Variants in CYP4X1 observed in about 807,000 individuals in gnomAD.
CYP4X1 encodes cytochrome P450 family 4 subfamily X member 1.
Under a neutral mutation model 57.9 loss-of-function variants are expected in CYP4X1, and 44 were observed. The ratio of observed to expected loss-of-function variants is 0.76; its 90% CI spans 0.60 to 0.98. CYP4X1 has a LOEUF of 0.98. Ranked by LOEUF, CYP4X1 falls within the 50% of genes least tolerant of loss-of-function variation. CYP4X1 has a pLI of 0.00. For synonymous variants in CYP4X1, 227 were observed against 228.6 expected, an observed-to-expected ratio of 0.99 and a Z score of 0.06; for missense variants, 532 against 623.9, an observed-to-expected ratio of 0.85 and a Z score of 1.57.
the CYP4X1 span, among the ~76,000 whole-genome samples, chr1:46,962,606 G>T: frequency 1.3e-5 from 2 of 152,198 alleles, no homozygotes; most frequent in East Asian, 3.8e-4. Flanking sequence ...TTGCACTGTG[G>T]TCTGAGAGAT....
At chr1:47,044,694 C>A (rs1644282051) in intron 8 of CYP4X1, among the ~76,000 whole-genome samples, 1 of 152,136 alleles carries the variant, frequency 6.6e-6, no homozygotes, top group Non-Finnish European at 1.5e-5. Context: ...GTGGTGAACA[C>A]CCTCAACTTT....
the CYP4X1 span, among the ~76,000 whole-genome samples, chr1:46,989,663 A>G: frequency 6.6e-6 from 1 of 152,242 alleles, no homozygotes; most frequent in Admixed American, 6.5e-5. Flanking sequence ...CTACAAGGCT[A>G]CAGTAACCAA....
the CYP4X1 span, among the ~76,000 whole-genome samples, chr1:46,969,120 C>T: frequency 3.3e-5 from 5 of 152,124 alleles, no homozygotes; most frequent in South Asian, 1.0e-3. Flanking sequence ...CACTGGTGAT[C>T]AGTGAGTGAG....
chr1:47,022,671 G>T (rs991397501), upstream of CYP4X1, among the ~76,000 whole-genome samples: 1 of 152,162 alleles, frequency 6.6e-6, no homozygotes, highest in African/African-American at 2.4e-5. Context: ...AATTGGGGGC[G>T]GAAGGGCGGG....
chr1:47,039,597 G>A (rs536259094), intron 8 of CYP4X1, 65 bp downstream of exon 8: 131 of 1,402,418 alleles, frequency 9.3e-5, no homozygotes, highest in Admixed American at 3.3e-4. Context: ...TATTTTTTGC[G>A]CTGGTACCTT....
At position 47,031,466 on chromosome 1, in the gene CYP4X1, C is replaced by T; in HGVS notation, c.350C>T (p.Ser117Leu). ...DPKSQYLQKF[S>L]PPLLGKGLAA... is the part of the protein sequence containing the mutation. Reference sequence around the variant, plus strand: ...AAGTCCCAGTACCTGCAGAAATTCTCACCTCCACTTCTTGGTATGTATGTG... The same window carrying T: ...AAGTCCCAGTACCTGCAGAAATTCTTACCTCCACTTCTTGGTATGTATGTG... Residue 117 changes from serine to leucine, a missense_variant, in exon 3 of 12, where the codon TCA becomes TTA. Coordinates refer to ENST00000371901, the MANE Select transcript of CYP4X1 (RefSeq NM_178033.2). 6.2e-7 allele frequency: 1 copy of T among 1,614,122 alleles called. No individual in the cohort carries two copies. The highest frequency in any genetic ancestry group is 8.5e-7 in the Non-Finnish European group (1 of 1,180,004).
downstream of CYP4X1, among the ~76,000 whole-genome samples, chr1:47,052,677 T>C (rs1644367036): frequency 6.6e-6 from 1 of 152,188 alleles, no homozygotes; most frequent in African/African-American, 2.4e-5. Context: ...TCAGATTATC[T>C]CACTGACATT....
At chr1:47,026,333 T>C (rs1402310885) in intron 1 of CYP4X1, among the ~76,000 whole-genome samples, 1 of 152,204 alleles carries the variant, frequency 6.6e-6, no homozygotes, top group African/African-American at 2.4e-5. Flanking sequence ...CAAAAACATC[T>C]CATTTACTCC....
the CYP4X1 span, among the ~76,000 whole-genome samples, chr1:46,968,203 G>T: frequency 6.6e-6 from 1 of 152,150 alleles, no homozygotes; most frequent in Non-Finnish European, 1.5e-5. Context: ...CAGTCTAGGG[G>T]CCAGGCTTCT....
the CYP4X1 span, among the ~76,000 whole-genome samples, chr1:46,984,128 C>A: frequency 3.1e-4 from 35 of 113,452 alleles, no homozygotes; most frequent in Non-Finnish European, 7.2e-5. Flanking sequence ...TGGGGGAGGG[C>A]GGGGAGGGTG....
chr1:47,052,758 A>C (rs1644367425), downstream of CYP4X1, among the ~76,000 whole-genome samples: 1 of 151,436 alleles, frequency 6.6e-6, no homozygotes, highest in Non-Finnish European at 1.5e-5. Flanking sequence ...TCAGTTCTTG[A>C]ATAAAAATGT....
In CYP4X1 at chr1:47,035,851, G is replaced by A. The variant is rs763581535; in HGVS notation, c.538G>A (p.Val180Ile). Residue 180 changes from valine to isoleucine, a missense_variant, in exon 5 of 12, where the codon GTC (valine) becomes ATC (isoleucine). Coordinates refer to ENST00000371901, the MANE Select transcript of CYP4X1 (RefSeq NM_178033.2). ...CAGCACTCAGGACACAAGCGTGGAG[G>A]TCTATGAGCACATCAACTCGATGTC... ...ICSTQDTSVE[V>I]YEHINSMSLD... 5 of 1,613,634 alleles carry A rather than the reference G, an allele frequency of 3.1e-6. No homozygotes were observed. Among genetic ancestry groups the A allele is most frequent in the Middle Eastern group, 3.3e-4 (2 of 6,048 alleles).
chr1:47,016,324 A>T, the CYP4X1 span, among the ~76,000 whole-genome samples: 1 of 148,388 alleles, frequency 6.7e-6, no homozygotes, highest in South Asian at 2.1e-4. Flanking sequence ...GCTGTACAGG[A>T]TTTTTTTTAA....
the CYP4X1 span, among the ~76,000 whole-genome samples, chr1:46,971,835 A>G: frequency 6.6e-6 from 1 of 151,836 alleles, no homozygotes; most frequent in Non-Finnish European, 1.5e-5. Flanking sequence ...TGGATATTAG[A>G]CCTCTGTCAA....
the CYP4X1 span, among the ~76,000 whole-genome samples, chr1:46,965,006 G>A: frequency 2.0e-5 from 3 of 152,348 alleles, no homozygotes; most frequent in East Asian, 5.8e-4. Context: ...CTAGCAATGA[G>A]TGAGGCACCT....
At chr1:47,009,653 T>G in the CYP4X1 span, among the ~76,000 whole-genome samples, 2 of 152,110 alleles carry the variant, frequency 1.3e-5, no homozygotes, top group Admixed American at 1.3e-4. Flanking sequence ...ACAAAATTGA[T>G]AGACCACTAG....
intron 7 of CYP4X1, 25 bp downstream of exon 7, chr1:47,038,791 T>C (rs1257564681): frequency 1.3e-6 from 2 of 1,590,486 alleles, no homozygotes; most frequent in African/African-American, 1.3e-5. Flanking sequence ...TTTCTAAGCC[T>C]GCTCAAGTGA....
chr1:47,031,603 C>G (rs1327354973), intron 3 of CYP4X1, 123 bp downstream of exon 3: 5 of 1,045,244 alleles, frequency 4.8e-6, no homozygotes, highest in Non-Finnish European at 7.1e-6. Flanking sequence ...TAGAGCTATA[C>G]TGAACGTTAT....
chr1:47,037,272 A>ATTTTTTTTTTTTTTTTTTTTTT (rs34146521), intron 6 of CYP4X1, among the ~76,000 whole-genome samples: 1 of 115,872 alleles, frequency 8.6e-6, no homozygotes. Flanking sequence ...AACCTTTTCA[A>ATTTTTTTTTTTTTTTTTTTTTT]TTTTTTTTTT....
Sources: allele counts gnomAD v4.1 joint callset (sites outside exome capture counted in the v4.1 genomes callset), GRCh38; gene constraint gnomAD v4.1.1; transcripts MANE v1.5; gene names NCBI Gene and HGNC (gene_info 2026-07-23, HGNC 2026-07-21).